SCAI: variants seen among roughly 807,000 people sequenced by gnomAD.
SCAI encodes protein SCAI.
SCAI carries 24 observed loss-of-function variants against 92.2 expected under a neutral mutation model. The observed-to-expected ratio is 0.26, with a 90% CI of 0.19 to 0.37. SCAI has a LOEUF of 0.37. Among genes scored for constraint, SCAI ranks in the 10% least tolerant of loss-of-function variants. The pLI, the probability that SCAI is intolerant of heterozygous loss-of-function variation, is 1.00. For missense variants in SCAI, 450 were observed against 736.2 expected (o/e 0.61, Z 4.50); for synonymous variants, 261 against 258.6 (o/e 1.01, Z -0.09).
intron 9 of SCAI, among the ~76,000 whole-genome samples, chr9:125,008,827 C>T (rs1214939199): frequency 6.6e-6 from 1 of 152,004 alleles, no homozygotes; most frequent in African/African-American, 2.4e-5. Flanking sequence ...AGATGAAAGA[C>T]ATAAACCCAT....
intron 3 of SCAI, among the ~76,000 whole-genome samples, chr9:125,055,232 C>G (rs1041292780): frequency 3.9e-5 from 6 of 151,940 alleles, no homozygotes; most frequent in African/African-American, 1.5e-4. Context: ...CCTGTTTATC[C>G]CTAGAATTTT....
intron 2 of SCAI, among the ~76,000 whole-genome samples, chr9:125,117,631 A>G (rs1285133210): frequency 7.7e-6 from 1 of 129,082 alleles, no homozygotes; most frequent in Non-Finnish European, 1.5e-5. Context: ...ACACCACTGC[A>G]CTCCAGTCTG....
intron 2 of SCAI, among the ~76,000 whole-genome samples, chr9:125,097,170 C>A (rs530870567): frequency 8.5e-5 from 13 of 152,164 alleles, no homozygotes; most frequent in Non-Finnish European, 1.9e-4. Flanking sequence ...CGGTGGCTCA[C>A]GCCTGTAATC....
chr9:124,994,137 T>C (rs1329776926), intron 14 of SCAI, among the ~76,000 whole-genome samples: 1 of 151,668 alleles, frequency 6.6e-6, no homozygotes, highest in Non-Finnish European at 1.5e-5. Context: ...CAGGTTCAAG[T>C]GAGTCTCCCG....
At chr9:125,014,947 A>G (rs1377120735) in intron 9 of SCAI, among the ~76,000 whole-genome samples, 2 of 152,228 alleles carry the variant, frequency 1.3e-5, no homozygotes, top group African/African-American at 4.8e-5. Context: ...TTCCCTATTT[A>G]ATAAATGGTG....
intron 2 of SCAI, among the ~76,000 whole-genome samples, chr9:125,135,981 A>AAAC (rs1564136252): frequency 6.6e-6 from 1 of 151,766 alleles, no homozygotes; most frequent in East Asian, 1.9e-4. Context: ...CAAAAAAAAA[A>AAAC]AAAACAAAAA....
At chr9:125,022,609 G>A (rs1454070077) in intron 6 of SCAI, among the ~76,000 whole-genome samples, 1 of 151,910 alleles carries the variant, frequency 6.6e-6, no homozygotes, top group African/African-American at 2.4e-5. Flanking sequence ...GTAGAAATCG[G>A]GTCTTGCTAC....
At chr9:125,055,771 T>G (rs1332587665) in intron 3 of SCAI, 105 bp downstream of exon 3, 1 of 825,464 alleles carries the variant, frequency 1.2e-6, no homozygotes, top group Non-Finnish European at 1.9e-6. Flanking sequence ...TACAGAAATT[T>G]ATATGACATT....
intron 2 of SCAI, among the ~76,000 whole-genome samples, chr9:125,137,803 T>C (rs894572630): frequency 2.6e-5 from 4 of 152,132 alleles, no homozygotes; most frequent in African/African-American, 4.8e-5. Flanking sequence ...GGTTTCGTCA[T>C]GTTGGCCAGG....
At chr9:125,133,634 G>C (rs1835453189) in intron 2 of SCAI, among the ~76,000 whole-genome samples, 1 of 152,122 alleles carries the variant, frequency 6.6e-6, no homozygotes, top group Admixed American at 6.5e-5. Context: ...GCAAACAATG[G>C]TGGTGGTTTT....
intron 3 of SCAI, among the ~76,000 whole-genome samples, chr9:125,042,443 A>G (rs190052938): frequency 1.4e-4 from 21 of 152,014 alleles, no homozygotes; most frequent in Non-Finnish European, 2.8e-4. Context: ...GTACACCTAA[A>G]ATCCAAGTCC....
rs186951884 is a variant in SCAI, at chr9:125,121,246, G to C, written c.98+21387C>G. Among the ~76,000 whole-genome samples, 17 of 149,848 alleles carry C rather than the reference G, an allele frequency of 1.1e-4. No individual in the cohort carries two copies. The East Asian group carries it at 3.3e-3, about 29-fold the overall frequency. Reference sequence around the variant, plus strand: ...GAAAAAGCTAAGCCACCTGCATCCTGTTTCAGTTGAGGGTTTATGGGTGGA... The same window carrying C: ...GAAAAAGCTAAGCCACCTGCATCCTCTTTCAGTTGAGGGTTTATGGGTGGA... On this transcript the variant is annotated intron_variant, in intron 2 of 17. Transcript: ENST00000336505.
chr9:125,079,018 T>C (rs1396775206), intron 2 of SCAI, among the ~76,000 whole-genome samples: 1 of 152,212 alleles, frequency 6.6e-6, no homozygotes, highest in Non-Finnish European at 1.5e-5. Context: ...ATTCATCTAT[T>C]TTTGATATTC....
chr9:124,997,702 C>T (rs550031119), intron 13 of SCAI, among the ~76,000 whole-genome samples: 95 of 151,832 alleles, frequency 6.3e-4, no homozygotes, highest in Non-Finnish European at 1.1e-3. Flanking sequence ...ATGGTGAAAC[C>T]CCATCTCTAC....
intron 9 of SCAI, among the ~76,000 whole-genome samples, chr9:125,006,961 A>G: frequency 6.6e-6 from 1 of 152,078 alleles, no homozygotes; most frequent in East Asian, 1.9e-4. Flanking sequence ...TCTACTAACA[A>G]ATACAAAAAT....
At chr9:125,125,480 A>G (rs1246145991) in intron 2 of SCAI, among the ~76,000 whole-genome samples, 1 of 151,906 alleles carries the variant, frequency 6.6e-6, no homozygotes, top group Non-Finnish European at 1.5e-5. Context: ...GTGAGCCAAG[A>G]TCGTGCCACT....
In SCAI at chr9:125,032,670, G is replaced by A. The variant is rs1440173053; in HGVS notation, c.231-2931C>T. Among the ~76,000 whole-genome samples the A allele has an allele frequency of 1.9e-4, 28 of 148,430 alleles. No homozygotes were observed. In the Admixed American group the frequency reaches 1.9e-3, roughly 10 times the overall value. On this transcript the variant is annotated intron_variant, in intron 3 of 17. Transcript: ENST00000336505. ...ACTCTGTTGCCCAGGCTGGAGTGCA[G>A]TGGCGCGACCTCAGCTCACTTCAAC...
At chr9:125,029,499 T>C in intron 4 of SCAI, 145 bp downstream of exon 4, 2 of 490,250 alleles carry the variant, frequency 4.1e-6, no homozygotes, top group Non-Finnish European at 7.2e-6. Context: ...AATATGTTAT[T>C]TTAAAAGCAC....
At chr9:125,053,826 C>T (rs1833610528) in intron 3 of SCAI, among the ~76,000 whole-genome samples, 1 of 152,040 alleles carries the variant, frequency 6.6e-6, no homozygotes, top group Non-Finnish European at 1.5e-5. Context: ...AATATAGCTC[C>T]ATAAAACTGT....
Sources: gnomAD v4.1 joint callset for allele counts (sites outside exome capture counted in the v4.1 genomes callset) on GRCh38, gnomAD v4.1.1 for gene constraint, MANE v1.5 for transcripts, NCBI Gene and HGNC (gene_info 2026-07-23, HGNC 2026-07-21) for gene names.